The following LYPLA1 variants were observed in gnomAD, a reference collection of about 807,000 sequenced individuals.
LYPLA1 encodes acyl-protein thioesterase 1.
LYPLA1 carries 17 observed loss-of-function variants against 34.0 expected under a neutral mutation model. The observed-to-expected ratio is 0.50, with a 90% CI of 0.34 to 0.75. The LOEUF (loss-of-function observed/expected upper bound fraction) is 0.75, where lower values mean the gene tolerates loss of function less well. Ranked by LOEUF, LYPLA1 falls within the 30% of genes least tolerant of loss-of-function variation. LYPLA1 has a pLI of 0.01. For missense variants in LYPLA1, 203 were observed against 288.8 expected (o/e 0.70, Z 2.15); for synonymous variants, 98 against 100.8 (o/e 0.97, Z 0.17).
At chr8:54,053,676 A>G (rs1295877220) in intron 6 of LYPLA1, 2 of 456,330 alleles carry the variant, frequency 4.4e-6, no homozygotes, top group Admixed American at 2.3e-5. Context: ...CACCTGTAAC[A>G]TGTAAATTCA....
In LYPLA1 at chr8:54,051,141, G is replaced by A. The variant is rs149138795; in HGVS notation, c.510C>T (p.His170=). 4,096 of 1,613,914 alleles carry A rather than the reference G, an allele frequency of 2.5e-3. 8 individuals are homozygous for A. The highest frequency in any genetic ancestry group is 3.1e-3 in the Admixed American group (188 of 59,994). ...GGGGAACCAAAGGGTCACAATCCCCGTGGCACTGGAGAATAGAAATATCTC... is the reference window on the plus strand; with the variant it reads ...GGGGAACCAAAGGGTCACAATCCCCATGGCACTGGAGAATAGAAATATCTC... The part of the protein sequence containing the change: ...ANRDISILQC[H]GDCDPLVPLM... The change falls in exon 8 of 9, where the codon CAC becomes CAT. Residue 170 remains histidine (H), a synonymous_variant. Transcript: ENST00000316963.
At chr8:54,069,220 T>C (rs1385477654) in intron 2 of LYPLA1, among the ~76,000 whole-genome samples, 8 of 152,238 alleles carry the variant, frequency 5.3e-5, no homozygotes, top group Non-Finnish European at 1.2e-4. Context: ...ATTCAGTGTA[T>C]ATTTTCAAAA....
chr8:54,070,895 A>C (rs1563608357), intron 2 of LYPLA1, among the ~76,000 whole-genome samples: 1 of 152,200 alleles, frequency 6.6e-6, no homozygotes, highest in Non-Finnish European at 1.5e-5. Flanking sequence ...TTTCTTTTTG[A>C]GGCAATGAAA....
At chr8:54,065,925 A>T in intron 2 of LYPLA1, 112 bp from the exon 3 acceptor site, 1 of 738,596 alleles carries the variant, frequency 1.4e-6, no homozygotes, top group Non-Finnish European at 2.4e-6. Context: ...AATCCTAAAA[A>T]TATGGTTTTT....
At chr8:54,053,604 T>C in intron 6 of LYPLA1, 1 of 456,272 alleles carries the variant, frequency 2.2e-6, no homozygotes, top group Non-Finnish European at 4.4e-6. Context: ...CAGGCAGTGA[T>C]GTTTTCTCCT....
In LYPLA1 at chr8:54,100,889, T is replaced by C; in HGVS notation, c.101+19A>G. ...GACCCAGTTTCATTACTGTTACTAT[T>C]AATAATAATGGTACCTACCCAGTAT... On this transcript the variant is annotated intron_variant, in intron 2 of 8. Transcript: ENST00000316963. The C allele has an allele frequency of 6.3e-7, 1 of 1,598,952 alleles. No individual in the cohort carries two copies. Among genetic ancestry groups the C allele is most frequent in the Non-Finnish European group, 8.6e-7 (1 of 1,166,686 alleles).
At position 54,052,120 on chromosome 8, in the gene LYPLA1, G is replaced by C. The variant is rs550341064; in HGVS notation, c.462+535C>G. Among the ~76,000 whole-genome samples the C allele has an allele frequency of 5.9e-5, 9 of 152,046 alleles. No homozygotes were observed. In the South Asian group the frequency reaches 1.9e-3, roughly 32 times the overall value. The stretch of plus-strand genomic sequence containing the variant: ...CCCGCCTCAGCCTCCCAAAGTGCTG[G>C]GATTACAGGCATGAGCCACCGCACC... On this transcript the variant is annotated intron_variant, in intron 7 of 8. Transcript: ENST00000316963.
At chr8:54,093,532 T>C (rs1024080370) in intron 2 of LYPLA1, among the ~76,000 whole-genome samples, 10 of 152,342 alleles carry the variant, frequency 6.6e-5, no homozygotes, top group East Asian at 1.9e-4. Context: ...TGTGGCCCTG[T>C]TGACAGCTTG....
rs868676203 is a variant in LYPLA1 at position 54,101,902 on chromosome 8, C to G, written c.-79G>C. 162 of 852,530 alleles carry G rather than the reference C, an allele frequency of 1.9e-4. No individual in the cohort carries two copies. The Middle Eastern group carries it at 5.7e-3, about 30-fold the overall frequency. 52.8% of individuals were successfully genotyped at this position (852,530 alleles called of 1,614,324 possible). A position where few individuals can be genotyped will look rare whatever the true frequency, so the allele number is the denominator to read the frequency against. On this transcript the variant is annotated 5_prime_UTR_variant, in exon 1 of 9. Coordinates refer to ENST00000316963, the MANE Select transcript of LYPLA1 (RefSeq NM_006330.4). ...GCCCAAGGGCGTGCGAGCGGCGAGTCCCGGCCGGCCCCACCGGGCGCACGC... is the reference window on the plus strand; with the variant it reads ...GCCCAAGGGCGTGCGAGCGGCGAGTGCCGGCCGGCCCCACCGGGCGCACGC...
chr8:54,054,049 T>C (rs901050685), intron 6 of LYPLA1, among the ~76,000 whole-genome samples: 10 of 152,164 alleles, frequency 6.6e-5, no homozygotes, highest in African/African-American at 1.9e-4. Context: ...GGTGCGATCT[T>C]GGCTCACTGC....
chr8:54,076,129 A>G (rs1409253812), intron 2 of LYPLA1, among the ~76,000 whole-genome samples: 3 of 152,232 alleles, frequency 2.0e-5, no homozygotes, highest in Admixed American at 6.5e-5. Context: ...GCTTAACATA[A>G]GGATTTGTGG....
intron 2 of LYPLA1, among the ~76,000 whole-genome samples, chr8:54,069,123 T>C (rs897333667): frequency 1.3e-5 from 2 of 152,218 alleles, no homozygotes; most frequent in African/African-American, 4.8e-5. Flanking sequence ...CATCACTTCA[T>C]ACTCACTAGG....
At chr8:54,075,223 A>C (rs1807797934) in intron 2 of LYPLA1, among the ~76,000 whole-genome samples, 1 of 152,256 alleles carries the variant, frequency 6.6e-6, no homozygotes, top group Non-Finnish European at 1.5e-5. Context: ...TACAGAAACC[A>C]GCTGCAAAGA....
intron 2 of LYPLA1, among the ~76,000 whole-genome samples, chr8:54,097,324 T>C (rs929483531): frequency 6.6e-6 from 1 of 152,192 alleles, no homozygotes; most frequent in Admixed American, 6.5e-5. Flanking sequence ...AATCTAATCA[T>C]GAGTAAATAC....
intron 2 of LYPLA1, among the ~76,000 whole-genome samples, chr8:54,075,605 T>C (rs948997627): frequency 6.6e-6 from 1 of 152,206 alleles, no homozygotes; most frequent in Non-Finnish European, 1.5e-5. Context: ...AAGGTAGCTA[T>C]GATAGTGGTT....
chr8:54,049,377 T>G (rs1327180678), intron 8 of LYPLA1, among the ~76,000 whole-genome samples: 1 of 152,060 alleles, frequency 6.6e-6, no homozygotes, highest in Non-Finnish European at 1.5e-5. Flanking sequence ...CTCTCTTCTC[T>G]CTCCATCTCC....
intron 3 of LYPLA1, among the ~76,000 whole-genome samples, chr8:54,064,777 T>C (rs1563592383): frequency 6.6e-6 from 1 of 152,136 alleles, no homozygotes; most frequent in Non-Finnish European, 1.5e-5. Flanking sequence ...TGGGCTACAT[T>C]GGAAGAAGAA....
intron 8 of LYPLA1, among the ~76,000 whole-genome samples, chr8:54,049,934 T>C (rs1294158539): frequency 1.3e-5 from 2 of 152,182 alleles, no homozygotes; most frequent in African/African-American, 2.4e-5. Context: ...CCTTAATCCT[T>C]CTCTGGAACA....
chr8:54,079,455 AG>A (rs370501269), intron 2 of LYPLA1, among the ~76,000 whole-genome samples: 5 of 152,152 alleles, frequency 3.3e-5, no homozygotes, highest in African/African-American at 1.2e-4. Context: ...CAAGCAATTA[AG>A]GCACTCTTTG....
Sources: allele counts gnomAD v4.1 joint callset (sites outside exome capture counted in the v4.1 genomes callset), GRCh38; gene constraint gnomAD v4.1.1; transcripts MANE v1.5; gene names NCBI Gene and HGNC (gene_info 2026-07-23, HGNC 2026-07-21).